COL21A1: variants seen among roughly 807,000 people sequenced by gnomAD.
COL21A1 encodes collagen type XXI alpha 1 chain.
COL21A1 carries 149 observed loss-of-function variants against 137.9 expected under a neutral mutation model. The ratio of observed to expected loss-of-function variants is 1.08; its 90% CI spans 0.95 to 1.24. The LOEUF (loss-of-function observed/expected upper bound fraction) is 1.24. Among genes scored for constraint, COL21A1 ranks in the 50% most tolerant of loss-of-function variants. The probability of loss-of-function intolerance (pLI) is 0.00; values close to 1 mark genes in which losing one functional copy is unlikely to be tolerated. For missense variants in COL21A1, 1,167 were observed against 1,158.4 expected (o/e 1.01, Z -0.11); for synonymous variants, 456 against 391.5 (o/e 1.16, Z -1.95).
Position 56,093,016 on chromosome 6 carries a change from T to A in COL21A1, c.1812+8456A>T, listed in dbSNP as rs371587378. Among the ~76,000 whole-genome samples, 25 of 152,190 alleles carry A rather than the reference T, an allele frequency of 1.6e-4. No individual in the cohort carries two copies. The East Asian group carries it at 1.9e-3, about 12-fold the overall frequency. On this transcript the variant is annotated intron_variant, in intron 17 of 29. Transcript: ENST00000244728. ...CCATGGTCTCATTACTCCCTCCTCT[T>A]CCCTATGTGAAATTTTCCTCTGCCT... is the stretch of plus-strand genomic sequence containing the variant.
chr6:56,316,195 A>C (rs1411453246), intron 1 of COL21A1, among the ~76,000 whole-genome samples: 1 of 152,098 alleles, frequency 6.6e-6, no homozygotes, highest in Non-Finnish European at 1.5e-5. Context: ...GTGTTGCCTC[A>C]CATTCTTAAC....
chr6:56,300,587 G>A lies in COL21A1; in HGVS notation c.-39+93384C>T, dbSNP rs935054787. Among the ~76,000 whole-genome samples, 6 of 152,004 alleles carry A rather than the reference G, an allele frequency of 3.9e-5. No homozygotes were observed. The East Asian group carries it at 5.8e-4, about 15-fold the overall frequency. ...AATCTTAAGATGTCATAGTGGCCTT[G>A]TGAAATGTTTTCTTGAGACATAATC... On this transcript the variant is annotated intron_variant, in intron 1 of 28. Coordinates refer to the COL21A1 transcript ENST00000370819.
At chr6:56,091,216 G>A (rs527403783) in intron 17 of COL21A1, among the ~76,000 whole-genome samples, 26 of 152,178 alleles carry the variant, frequency 1.7e-4, no homozygotes, top group Admixed American at 6.5e-4. Context: ...AAATAATCAC[G>A]CTGCAGAAAA....
At chr6:56,308,458 A>T (rs924437681) in intron 1 of COL21A1, among the ~76,000 whole-genome samples, 2 of 152,262 alleles carry the variant, frequency 1.3e-5, no homozygotes, top group Admixed American at 6.5e-5. Context: ...ACATTATACT[A>T]GGTGACGTAA....
At chr6:56,151,838 G>A (rs146071947) in intron 10 of COL21A1, among the ~76,000 whole-genome samples, 4 of 152,234 alleles carry the variant, frequency 2.6e-5, no homozygotes, top group Non-Finnish European at 4.4e-5. Flanking sequence ...ACATACTAAT[G>A]ACCCTCAGCT....
intron 16 of COL21A1, among the ~76,000 whole-genome samples, chr6:56,121,014 G>A (rs1772455007): frequency 6.6e-6 from 1 of 152,096 alleles, no homozygotes; most frequent in Admixed American, 6.5e-5. Flanking sequence ...ACACAATGGA[G>A]TACTATTCAG....
At chr6:56,305,169 G>T (rs1264673182) in intron 1 of COL21A1, among the ~76,000 whole-genome samples, 1 of 152,106 alleles carries the variant, frequency 6.6e-6, no homozygotes, top group Non-Finnish European at 1.5e-5. Context: ...GGTCAATTTT[G>T]GAATAAGTGT....
At chr6:56,301,683 A>G (rs1278916145) in intron 1 of COL21A1, among the ~76,000 whole-genome samples, 1 of 151,474 alleles carries the variant, frequency 6.6e-6, no homozygotes, top group African/African-American at 2.4e-5. Flanking sequence ...CACTAACCAC[A>G]TGTGGCTATT....
intron 10 of COL21A1, among the ~76,000 whole-genome samples, chr6:56,142,303 T>C (rs1015912404): frequency 6.6e-6 from 1 of 152,150 alleles, no homozygotes; most frequent in Non-Finnish European, 1.5e-5. Context: ...ATTCAACATA[T>C]CCAAGAGAGA....
intron 1 of COL21A1, among the ~76,000 whole-genome samples, chr6:56,337,791 C>T (rs773051866): frequency 1.3e-5 from 2 of 152,188 alleles, no homozygotes; most frequent in South Asian, 2.1e-4. Context: ...TATTTTGGAG[C>T]GATTCCATTG....
intron 16 of COL21A1, among the ~76,000 whole-genome samples, chr6:56,112,572 CACA>C (rs1449646491): frequency 1.3e-5 from 2 of 151,946 alleles, no homozygotes; most frequent in Non-Finnish European, 2.9e-5. Flanking sequence ...GAAGGGAGAA[CACA>C]ACAATTGTGA....
chr6:56,162,768 A>G (rs1776285635), intron 9 of COL21A1, among the ~76,000 whole-genome samples: 1 of 152,208 alleles, frequency 6.6e-6, no homozygotes, highest in Admixed American at 6.5e-5. Flanking sequence ...GAACATATAT[A>G]TTTTTAAAAG....
At chr6:56,368,943 T>C (rs1766162244) in intron 1 of COL21A1, among the ~76,000 whole-genome samples, 1 of 152,198 alleles carries the variant, frequency 6.6e-6, no homozygotes, top group East Asian at 1.9e-4. Context: ...AAAAATGTAA[T>C]ATGCTCACTG....
At chr6:56,255,321 C>G (rs1782940692) in intron 1 of COL21A1, among the ~76,000 whole-genome samples, 2 of 142,866 alleles carry the variant, frequency 1.4e-5, no homozygotes, top group African/African-American at 5.3e-5. Flanking sequence ...AGAGTGATCA[C>G]TGTTGTTAAG....
At chr6:56,386,509 T>C (rs1316001917) in intron 1 of COL21A1, among the ~76,000 whole-genome samples, 1 of 152,206 alleles carries the variant, frequency 6.6e-6, no homozygotes, top group South Asian at 2.1e-4. Context: ...CCCCAAACTG[T>C]TTCCCACAGC....
chr6:56,167,431 G>A (rs1776679868), intron 6 of COL21A1, among the ~76,000 whole-genome samples: 1 of 152,174 alleles, frequency 6.6e-6, no homozygotes, highest in African/African-American at 2.4e-5. Context: ...CCCAGCACCT[G>A]TTAATGTTTA....
intron 14 of COL21A1, among the ~76,000 whole-genome samples, chr6:56,124,706 A>G (rs1354474291): frequency 6.6e-6 from 1 of 151,932 alleles, no homozygotes; most frequent in Non-Finnish European, 1.5e-5. Context: ...CAGTGGTGCA[A>G]TCTCCGCTCA....
At chr6:56,364,561 T>C (rs959764080) in intron 1 of COL21A1, among the ~76,000 whole-genome samples, 5 of 152,202 alleles carry the variant, frequency 3.3e-5, no homozygotes, top group Non-Finnish European at 5.9e-5. Context: ...CACAGGCAGC[T>C]GGTGAAAGGG....
intron 3 of COL21A1, 54 bp from the exon 4 acceptor site, chr6:56,171,182 A>C: frequency 3.2e-6 from 4 of 1,255,738 alleles, no homozygotes; most frequent in Non-Finnish European, 4.4e-6. Flanking sequence ...CAAACAATAA[A>C]AGAAAAATCA....
Sources: allele counts gnomAD v4.1 joint callset (sites outside exome capture counted in the v4.1 genomes callset), GRCh38; gene constraint gnomAD v4.1.1; transcripts MANE v1.5; gene names NCBI Gene and HGNC (gene_info 2026-07-23, HGNC 2026-07-21).